PLXNA4: variants seen among roughly 807,000 people sequenced by gnomAD.
PLXNA4 encodes plexin-A4.
PLXNA4 carries 44 observed loss-of-function variants against 191.8 expected under a neutral mutation model. The observed-to-expected ratio is 0.23, with a 90% CI of 0.18 to 0.29. The LOEUF (loss-of-function observed/expected upper bound fraction) is 0.29, where lower values mean the gene tolerates loss of function less well. Ranked by LOEUF, PLXNA4 falls within the 10% of genes least tolerant of loss-of-function variation. The pLI is 1.00. For synonymous variants in PLXNA4, 1,082 were observed against 1,009.5 expected, an observed-to-expected ratio of 1.07 and a Z score of -1.36; for missense variants, 1,800 against 2,488.8, an observed-to-expected ratio of 0.72 and a Z score of 5.89.
rs577275657 is a variant in PLXNA4 at position 132,434,025 on chromosome 7, C to G, written c.1371+55267G>C. ...GTTCAGCACCTACTAGGTGCCATTA[C>G]TATGCAACTATTCCAAGCTGGGTCT... is the stretch of plus-strand genomic sequence containing the variant. On this transcript the variant is annotated intron_variant, in intron 3 of 31. Coordinates refer to ENST00000321063, the MANE Select transcript of PLXNA4 (RefSeq NM_020911.2). 2.3e-4 allele frequency among the ~76,000 whole-genome samples: 35 copies of G among 152,354 alleles called. No homozygotes were observed. The South Asian group carries it at 6.8e-3, about 30-fold the overall frequency.
intron 3 of PLXNA4, among the ~76,000 whole-genome samples, chr7:132,373,473 G>A (rs930845087): frequency 6.6e-6 from 1 of 152,172 alleles, no homozygotes; most frequent in East Asian, 1.9e-4. Flanking sequence ...GGAAAGGTTC[G>A]ATTTTGTGTG....
chr7:132,588,336 T>TTCTCCCAATGCA (rs1802540098), intron 2 of PLXNA4, among the ~76,000 whole-genome samples: 2 of 152,162 alleles, frequency 1.3e-5, no homozygotes, highest in Admixed American at 1.3e-4. Context: ...GGAGAAATTA[T>TTCTCCCAATGCA]TCTGTCATCA....
chr7:132,451,072 A>T (rs2117301040), intron 3 of PLXNA4, among the ~76,000 whole-genome samples: 1 of 152,276 alleles, frequency 6.6e-6, no homozygotes, highest in African/African-American at 2.4e-5. Context: ...ACCCCCAGCC[A>T]CTTTTGTGAA....
intron 10 of PLXNA4, 124 bp downstream of exon 10, chr7:132,210,819 T>A (rs1584850177): frequency 9.4e-7 from 1 of 1,063,590 alleles, no homozygotes; most frequent in East Asian, 2.5e-5. Flanking sequence ...GGGAAGCAGG[T>A]AGGCAGTTTT....
At chr7:132,285,286 A>AGCTGT (rs1291461238) in intron 4 of PLXNA4, among the ~76,000 whole-genome samples, 110 of 152,342 alleles carry the variant, frequency 7.2e-4, no homozygotes. Flanking sequence ...CCGGAAGCAG[A>AGCTGT]GCTGTGATTC....
chr7:132,269,197 G>A (rs1799968133), intron 4 of PLXNA4, among the ~76,000 whole-genome samples: 1 of 152,150 alleles, frequency 6.6e-6, no homozygotes, highest in Non-Finnish European at 1.5e-5. Flanking sequence ...TTGGGTGTAT[G>A]AGAGCAAGGA....
intron 3 of PLXNA4, among the ~76,000 whole-genome samples, chr7:132,341,667 C>G (rs1231009125): frequency 6.6e-6 from 1 of 152,188 alleles, no homozygotes; most frequent in Admixed American, 6.5e-5. Flanking sequence ...CCCCCCTAGC[C>G]TGCCTGGGCT....
intron 1 of PLXNA4, among the ~76,000 whole-genome samples, chr7:132,547,869 C>A (rs1800377408): frequency 6.6e-6 from 1 of 152,122 alleles, no homozygotes; most frequent in South Asian, 2.1e-4. Context: ...CTGGGGATGG[C>A]AAGAAAGCAG....
chr7:132,215,893 C>G (rs553246311), intron 9 of PLXNA4, among the ~76,000 whole-genome samples: 107 of 152,270 alleles, frequency 7.0e-4, no homozygotes, highest in Non-Finnish European at 1.2e-3. Context: ...TTTGCAACAC[C>G]CTTTTAAAGA....
intron 2 of PLXNA4, among the ~76,000 whole-genome samples, chr7:132,585,125 T>C (rs1051148578): frequency 8.5e-5 from 13 of 152,188 alleles, no homozygotes; most frequent in Non-Finnish European, 1.2e-4. Context: ...AGTATCCTAC[T>C]TGGCCAGAGA....
chr7:132,453,037 C>T lies in PLXNA4; in HGVS notation c.1371+36255G>A, dbSNP rs188271090. On this transcript the variant is annotated intron_variant, in intron 3 of 31. Coordinates refer to ENST00000321063, the MANE Select transcript of PLXNA4 (RefSeq NM_020911.2). ...ACTGCAGGCAACAGTTAGGGAGCCA[C>T]GCACCACGTTCTAGTTTTTGGTCAT... Among the ~76,000 whole-genome samples, 520 of 152,198 alleles carry T rather than the reference C, an allele frequency of 3.4e-3. 4 individuals carry two copies. The highest frequency in any genetic ancestry group is 1.3e-3 in the Non-Finnish European group (87 of 68,024).
intron 30 of PLXNA4, among the ~76,000 whole-genome samples, chr7:132,137,426 G>C (rs761036894): frequency 6.6e-6 from 1 of 152,220 alleles, no homozygotes; most frequent in South Asian, 2.1e-4. Flanking sequence ...CACTACTAAA[G>C]TATGCAAATG....
rs1160573576 is a variant in PLXNA4 at position 132,281,247 on chromosome 7, A to T, written c.1503+16844T>A. Among the ~76,000 whole-genome samples the T allele has an allele frequency of 2.6e-5, 4 of 152,294 alleles. No homozygotes were observed. The East Asian group carries it at 7.7e-4, about 29-fold the overall frequency. ...GTCATAACTGAAAAGGACACCTCAC[A>T]TAGACGCAGAGATGCAAAAAAGTGC... On this transcript the variant is annotated intron_variant, in intron 4 of 31. Coordinates refer to ENST00000321063, the MANE Select transcript of PLXNA4 (RefSeq NM_020911.2).
chr7:132,453,434 A>C (rs1796201143), intron 3 of PLXNA4, among the ~76,000 whole-genome samples: 2 of 152,118 alleles, frequency 1.3e-5, no homozygotes, highest in African/African-American at 4.8e-5. Context: ...GAAACTATAG[A>C]GGTGTGTTTT....
At chr7:132,590,553 G>T (rs1802588651) in intron 2 of PLXNA4, among the ~76,000 whole-genome samples, 1 of 152,150 alleles carries the variant, frequency 6.6e-6, no homozygotes, top group Admixed American at 6.6e-5. Context: ...GAAGAGCTTG[G>T]AGTCTGATGT....
At chr7:132,382,674 G>A (rs542321044) in intron 3 of PLXNA4, among the ~76,000 whole-genome samples, 8 of 152,192 alleles carry the variant, frequency 5.3e-5, no homozygotes, top group Non-Finnish European at 1.2e-4. Flanking sequence ...AATTGTTATC[G>A]CTATCAAAAT....
chr7:132,332,117 A>G (rs1305492061), intron 3 of PLXNA4, among the ~76,000 whole-genome samples: 1 of 152,226 alleles, frequency 6.6e-6, no homozygotes, highest in East Asian at 1.9e-4. Context: ...TTCTGAAGCC[A>G]TCTGGAATTC....
chr7:132,392,204 C>A (rs1340130594), intron 3 of PLXNA4, among the ~76,000 whole-genome samples: 1 of 152,090 alleles, frequency 6.6e-6, no homozygotes, highest in Non-Finnish European at 1.5e-5. Flanking sequence ...TATTTCTGTC[C>A]TACTAGAACA....
intron 13 of PLXNA4, among the ~76,000 whole-genome samples, chr7:132,194,385 C>T (rs549209113): frequency 7.2e-5 from 11 of 152,188 alleles, no homozygotes; most frequent in Non-Finnish European, 1.6e-4. Context: ...TATGGGATCT[C>T]CTTTGAGGGA....
Sources: allele counts gnomAD v4.1 joint callset (sites outside exome capture counted in the v4.1 genomes callset), GRCh38; gene constraint gnomAD v4.1.1; transcripts MANE v1.5; gene names NCBI Gene and HGNC (gene_info 2026-07-23, HGNC 2026-07-21).